KRTAP1-1: variants seen among roughly 807,000 people sequenced by gnomAD.
The protein encoded by KRTAP1-1 is keratin-associated protein 1-1.
In KRTAP1-1, 9 loss-of-function variants were observed where a neutral mutation model predicts 14.1. The ratio of observed to expected loss-of-function variants is 0.64; its 90% CI spans 0.39 to 1.12. The LOEUF is 1.12. KRTAP1-1 is among the 50% of genes most tolerant of loss of function. KRTAP1-1 has a pLI of 0.01. For synonymous variants in KRTAP1-1, 77 were observed against 80.5 expected, an observed-to-expected ratio of 0.96 and a Z score of 0.23; for missense variants, 179 against 230.9, an observed-to-expected ratio of 0.78 and a Z score of 1.46.
rs770543932 is a variant in KRTAP1-1, at chr17:41,040,830, C to T, written c.*34G>A. Reference sequence around the variant, plus strand: ...TTCTAATTTGGCTAGTTTTAAGGTGCCATCTTATCAGGATCCCCAGCAGAA... The same window carrying T: ...TTCTAATTTGGCTAGTTTTAAGGTGTCATCTTATCAGGATCCCCAGCAGAA... On this transcript the variant is annotated 3_prime_UTR_variant, in exon 1 of 1. Transcript: ENST00000306271. 8 of 1,534,872 alleles carry T rather than the reference C, an allele frequency of 5.2e-6. No homozygotes were observed. Among genetic ancestry groups the T allele is most frequent in the East Asian group, 2.3e-5 (1 of 44,070 alleles).
At position 41,041,378 on chromosome 17, in the gene KRTAP1-1, C is replaced by G. The variant is rs895475693; in HGVS notation, c.20G>C (p.Ser7Thr). 12 of 1,542,538 alleles carry G rather than the reference C, an allele frequency of 7.8e-6. No homozygotes were observed. The highest frequency in any genetic ancestry group is 1.0e-5 in the Non-Finnish European group (12 of 1,154,364). Reference sequence around the variant, plus strand: ...GGAGCAGCTGGGAAATCCACAGAAGCTGGTCTGACAGCAGGCCATGGTGTC... The same window carrying G: ...GGAGCAGCTGGGAAATCCACAGAAGGTGGTCTGACAGCAGGCCATGGTGTC... MACCQT[S>T]FCGFPSCSTS... The change falls in exon 1 of 1, where the codon AGC becomes ACC. Residue 7 changes from serine to threonine, a missense_variant. Transcript: ENST00000306271.
chr17:41,040,654 C>A lies in KRTAP1-1; in HGVS notation c.*210G>T. The stretch of plus-strand genomic sequence containing the variant: ...TAGTAAAATAGTATCTAACTCTTTT[C>A]ACATTGTAGGACTTTGGCTGACAAC... On this transcript the variant is annotated 3_prime_UTR_variant, in exon 1 of 1. Transcript: ENST00000306271. 1 of 510,684 alleles carries A rather than the reference C, an allele frequency of 2.0e-6. No homozygotes were observed. 31.6% of individuals were successfully genotyped at this position (510,684 alleles called of 1,614,324 possible).
At position 41,041,008 on chromosome 17, in the gene KRTAP1-1, C is replaced by T. The variant is rs1436219085; in HGVS notation, c.390G>A (p.Leu130=). The T allele has an allele frequency of 3.1e-6, 5 of 1,613,866 alleles. No homozygotes were observed. Among genetic ancestry groups the T allele is most frequent in the African/African-American group, 1.3e-5 (1 of 75,046 alleles). ...TGCAGCTCACCACGCAGCAGGGGGG[C>T]AGGCAGGTACCCTCCACACGGCAGT... The part of the protein sequence containing the change: ...RPDCRVEGTC[L]PPCCVVSCTP... The change falls in exon 1 of 1, where the codon CTG becomes CTA. Residue 130 remains leucine (L), a synonymous_variant. Coordinates refer to ENST00000306271, the MANE Select transcript of KRTAP1-1 (RefSeq NM_030967.3).
chr17:41,040,704 T>C lies in KRTAP1-1; in HGVS notation c.*160A>G. On this transcript the variant is annotated 3_prime_UTR_variant, in exon 1 of 1. Transcript: ENST00000306271. ...CCAGGTCTAGGAAAAATTTTTGGTC[T>C]TCCATTGTAAATGAATTTACTTCCT... is the stretch of plus-strand genomic sequence containing the variant. 1 of 936,904 alleles carries C rather than the reference T, an allele frequency of 1.1e-6. No homozygotes were observed. Among genetic ancestry groups the C allele is most frequent in the Non-Finnish European group, 1.5e-6 (1 of 654,748 alleles). The allele number at this position is 936,904 out of a possible 1,614,324, so 58.0% of individuals were successfully genotyped here.
Position 41,041,206 on chromosome 17 carries a change from C to A in KRTAP1-1, c.192G>T (p.Gly64=). ...GCTGGCAGCAGCTAGAGTCACAAGTCCCACCGGTTGAGAAGCTAGGAAATC... is the reference window on the plus strand; with the variant it reads ...GCTGGCAGCAGCTAGAGTCACAAGTACCACCGGTTGAGAAGCTAGGAAATC... The part of the protein sequence containing the change: ...FCGFPSFSTG[G]TCDSSCCQPS... Residue 64 remains glycine, a synonymous_variant, in exon 1 of 1, where the codon GGG becomes GGT. Coordinates refer to ENST00000306271, the MANE Select transcript of KRTAP1-1 (RefSeq NM_030967.3). 1 of 1,601,924 alleles carries A rather than the reference C, an allele frequency of 6.2e-7. No homozygotes were observed. Among genetic ancestry groups the A allele is most frequent in the South Asian group, 1.1e-5 (1 of 89,480 alleles).
chr17:41,040,630 A>G lies in KRTAP1-1; in HGVS notation c.*234T>C. The G allele has an allele frequency of 2.2e-6, 1 of 446,440 alleles. No homozygotes were observed. Among genetic ancestry groups the G allele is most frequent in the East Asian group, 3.2e-5 (1 of 31,004 alleles). The allele number at this position is 446,440 out of a possible 1,614,324, so 27.7% of individuals were successfully genotyped here. A position where few individuals can be genotyped will look rare whatever the true frequency, so the allele number is the denominator to read the frequency against. On this transcript the variant is annotated 3_prime_UTR_variant, in exon 1 of 1. Transcript: ENST00000306271. ...TTGAAATATTTCAGGTGATATTTAT[A>G]GTAAAATAGTATCTAACTCTTTTCA...
At position 41,040,790 on chromosome 17, in the gene KRTAP1-1, A is replaced by C; in HGVS notation, c.*74T>G. ...AGCCCAGTTATAGGTACTGGAGTTC[A>C]GAAGATTGTTAGGATTCTAATTTGG... On this transcript the variant is annotated 3_prime_UTR_variant, in exon 1 of 1. Coordinates refer to ENST00000306271, the MANE Select transcript of KRTAP1-1 (RefSeq NM_030967.3). The C allele has an allele frequency of 2.8e-6, 4 of 1,444,248 alleles. No individual in the cohort carries two copies. The highest frequency in any genetic ancestry group is 3.7e-6 in the Non-Finnish European group (4 of 1,070,690). The allele number at this position is 1,444,248 out of a possible 1,614,324, so 89.5% of individuals were successfully genotyped here.
chr17:41,041,158 G>A lies in KRTAP1-1; in HGVS notation c.240C>T (p.Cys80=), dbSNP rs2143779112. 6.2e-7 allele frequency: 1 copy of A among 1,613,776 alleles called. No homozygotes were observed. Among genetic ancestry groups the A allele is most frequent in the Non-Finnish European group, 8.5e-7 (1 of 1,179,766 alleles). Reference sequence around the variant, plus strand: ...TGGTCTGGTAGCAGCTTGGCTGGCAGCAGCTAGTTTCACAGCAGCTTGGCT... The same window carrying A: ...TGGTCTGGTAGCAGCTTGGCTGGCAACAGCTAGTTTCACAGCAGCTTGGCT... The part of the protein sequence containing the change: ...CCQPSCCETS[C]CQPSCYQTSS... The change falls in exon 1 of 1, where the codon TGC becomes TGT. Residue 80 remains cysteine, a synonymous_variant. Transcript: ENST00000306271.
Position 41,040,595 on chromosome 17 carries a change from C to G in KRTAP1-1, c.*269G>C. On this transcript the variant is annotated 3_prime_UTR_variant, in exon 1 of 1. Coordinates refer to ENST00000306271, the MANE Select transcript of KRTAP1-1 (RefSeq NM_030967.3). ...TGAAAACTTTTATTAAATTTAAGTC[C>G]CAATAACTGTTGAAATATTTCAGGT... The G allele has an allele frequency of 2.5e-6, 1 of 404,400 alleles. No individual in the cohort carries two copies. The highest frequency in any genetic ancestry group is 3.7e-5 in the East Asian group (1 of 27,372). 25.1% of individuals were successfully genotyped at this position (404,400 alleles called of 1,614,324 possible).
chr17:41,040,953 C>T lies in KRTAP1-1; in HGVS notation c.445G>A (p.Ala149Thr), dbSNP rs368911026. 30 of 1,613,316 alleles carry T rather than the reference C, an allele frequency of 1.9e-5. No individual in the cohort carries two copies. The highest frequency in any genetic ancestry group is 1.8e-4 in the Admixed American group (11 of 59,962). Residue 149 changes from alanine to threonine, a missense_variant, in exon 1 of 1, where the codon GCC becomes ACC. Physicochemically the swap from Ala to Thr is moderately conservative, Grantham distance 58. Coordinates refer to ENST00000306271, the MANE Select transcript of KRTAP1-1 (RefSeq NM_030967.3). ...TPPSCCQLHH[A>T]EASCCRPSYC... ...GATGGGCGGCAGCAGGAGGCCTCGG[C>T]GTGGTGCAGCTGGCAGCAGGATGGG... is the stretch of plus-strand genomic sequence containing the variant.
Position 41,040,722 on chromosome 17 carries a change from T to C in KRTAP1-1, c.*142A>G. 9.5e-7 allele frequency: 1 copy of C among 1,049,488 alleles called. No individual in the cohort carries two copies. Among genetic ancestry groups the C allele is most frequent in the Non-Finnish European group, 1.3e-6 (1 of 752,796 alleles). 65.0% of individuals were successfully genotyped at this position (1,049,488 alleles called of 1,614,324 possible). A position where few individuals can be genotyped will look rare whatever the true frequency, so the allele number is the denominator to read the frequency against. On this transcript the variant is annotated 3_prime_UTR_variant, in exon 1 of 1. Transcript: ENST00000306271. Reference sequence around the variant, plus strand: ...TTTGGTCTTCCATTGTAAATGAATTTACTTCCTAGGGAATTTATGTGGCTG... The same window carrying C: ...TTTGGTCTTCCATTGTAAATGAATTCACTTCCTAGGGAATTTATGTGGCTG...
chr17:41,041,152 C>A lies in KRTAP1-1; in HGVS notation c.246G>T (p.Gln82His), dbSNP rs1426428146. 1 of 1,613,780 alleles carries A rather than the reference C, an allele frequency of 6.2e-7. No individual in the cohort carries two copies. Among genetic ancestry groups the A allele is most frequent in the Admixed American group, 1.7e-5 (1 of 59,994 alleles). The change falls in exon 1 of 1, where the codon CAG becomes CAT. Residue 82 changes from glutamine (Q) to histidine (H), a missense_variant. Physicochemically the swap from Gln to His is conservative, Grantham distance 24. Coordinates refer to ENST00000306271, the MANE Select transcript of KRTAP1-1 (RefSeq NM_030967.3). ...AGGAGCTGGTCTGGTAGCAGCTTGG[C>A]TGGCAGCAGCTAGTTTCACAGCAGC... ...QPSCCETSCC[Q>H]PSCYQTSSCG...
Position 41,041,011 on chromosome 17 carries a change from G to A in KRTAP1-1, c.387C>T (p.Cys129=), listed in dbSNP as rs1567906212. ...CRPDCRVEGT[C]LPPCCVVSCT... is the part of the protein sequence containing the mutation. ...AGCTCACCACGCAGCAGGGGGGCAG[G>A]CAGGTACCCTCCACACGGCAGTCTG... is the stretch of plus-strand genomic sequence containing the variant. The change falls in exon 1 of 1, where the codon TGC becomes TGT. Residue 129 remains cysteine, a synonymous_variant. Coordinates refer to ENST00000306271, the MANE Select transcript of KRTAP1-1 (RefSeq NM_030967.3). 1 of 1,613,892 alleles carries A rather than the reference G, an allele frequency of 6.2e-7. No homozygotes were observed. The highest frequency in any genetic ancestry group is 8.5e-7 in the Non-Finnish European group (1 of 1,180,030).
rs1473277446 is a variant in KRTAP1-1, at chr17:41,040,864, TCAA to T, written c.531_533del (p.Cys177del). 6.4e-7 allele frequency: 1 copy of T among 1,560,272 alleles called. No individual in the cohort carries two copies. Among genetic ancestry groups the T allele is most frequent in the African/African-American group, 1.4e-5 (1 of 73,662 alleles). On this transcript the variant is annotated inframe_deletion, in exon 1 of 1. Transcript: ENST00000306271. ...CAGGATCCCCAGCAGAAGGAGGTTT[TCAA>T]CAAGTGGGCTCAGAGCAGTAGCAGC...
chr17:41,041,392 G>A lies in KRTAP1-1; in HGVS notation c.6C>T (p.Ala2=). Residue 2 remains alanine (A), a synonymous_variant, in exon 1 of 1, where the codon GCC becomes GCT. Transcript: ENST00000306271. ...ATCCACAGAAGCTGGTCTGACAGCA[G>A]GCCATGGTGTCAGGAGTTGATCTGA... M[A]CCQTSFCGFP... 5 of 1,613,294 alleles carry A rather than the reference G, an allele frequency of 3.1e-6. No individual in the cohort carries two copies. Among genetic ancestry groups the A allele is most frequent in the Non-Finnish European group, 4.2e-6 (5 of 1,179,800 alleles).
chr17:41,040,889 C>G lies in KRTAP1-1; in HGVS notation c.509G>C (p.Cys170Ser). The G allele has an allele frequency of 1.3e-6, 2 of 1,592,120 alleles. No individual in the cohort carries two copies. The highest frequency in any genetic ancestry group is 8.6e-7 in the Non-Finnish European group (1 of 1,165,876). Residue 170 changes from cysteine to serine, a missense_variant, in exon 1 of 1, where the codon TGC becomes TCC. Physicochemically the swap from Cys to Ser is moderately radical, Grantham distance 112 (BLOSUM62 -1). Coordinates refer to ENST00000306271, the MANE Select transcript of KRTAP1-1 (RefSeq NM_030967.3). ...TCAACAAGTGGGCTCAGAGCAGTAGCAGCAGCAGACTGGGCGGCAACAGGA... is the reference window on the plus strand; with the variant it reads ...TCAACAAGTGGGCTCAGAGCAGTAGGAGCAGCAGACTGGGCGGCAACAGGA... ...GQSCCRPVCC[C>S]YCSEPTC
Position 41,041,136 on chromosome 17 carries a change from T to A in KRTAP1-1, c.262A>T (p.Thr88Ser), listed in dbSNP as rs376507341. ...CCACAGCCAGTTCCGCAGGAGCTGG[T>A]CTGGTAGCAGCTTGGCTGGCAGCAG... is the stretch of plus-strand genomic sequence containing the variant. ...TSCCQPSCYQ[T>S]SSCGTGCGIG... Residue 88 changes from threonine (T) to serine (S), a missense_variant, in exon 1 of 1, where the codon ACC becomes TCC. Physicochemically the swap from Thr to Ser is moderately conservative, Grantham distance 58. Coordinates refer to ENST00000306271, the MANE Select transcript of KRTAP1-1 (RefSeq NM_030967.3). 26 of 1,613,802 alleles carry A rather than the reference T, an allele frequency of 1.6e-5. No homozygotes were observed. Among genetic ancestry groups the A allele is most frequent in the Non-Finnish European group, 2.0e-5 (24 of 1,179,892 alleles).
At position 41,040,832 on chromosome 17, in the gene KRTAP1-1, A is replaced by G. The variant is rs543269966; in HGVS notation, c.*32T>C. On this transcript the variant is annotated 3_prime_UTR_variant, in exon 1 of 1. Transcript: ENST00000306271. The stretch of plus-strand genomic sequence containing the variant: ...CTAATTTGGCTAGTTTTAAGGTGCC[A>G]TCTTATCAGGATCCCCAGCAGAAGG... The G allele has an allele frequency of 1.3e-6, 2 of 1,540,518 alleles. No homozygotes were observed. The highest frequency in any genetic ancestry group is 1.3e-5 in the South Asian group (1 of 78,298).
rs371365111 is a variant in KRTAP1-1, at chr17:41,041,304, T to C, written c.94A>G (p.Thr32Ala). ...SSCCQPSCCETSSCQPRCCET... is the reference protein window; with the variant it reads ...SSCCQPSCCEASSCQPRCCET... ...CAGCAGCGTGGCTGGCAGGAGCTGG[T>C]CTCACAGCAGCTTGGCTGGCAGCAG... Residue 32 changes from threonine (T) to alanine (A), a missense_variant, in exon 1 of 1, where the codon ACC becomes GCC. Coordinates refer to ENST00000306271, the MANE Select transcript of KRTAP1-1 (RefSeq NM_030967.3). 2 of 1,524,620 alleles carry C rather than the reference T, an allele frequency of 1.3e-6. No individual in the cohort carries two copies. The highest frequency in any genetic ancestry group is 1.7e-6 in the Non-Finnish European group (2 of 1,146,586). The allele number at this position is 1,524,620 out of a possible 1,614,324, so 94.4% of individuals were successfully genotyped here. A position where few individuals can be genotyped will look rare whatever the true frequency, so the allele number is the denominator to read the frequency against.
Sources: allele counts gnomAD v4.1 joint callset, GRCh38; gene constraint gnomAD v4.1.1; transcripts MANE v1.5; gene names NCBI Gene and HGNC (gene_info 2026-07-23, HGNC 2026-07-21).